The following WDR27 variants were observed in gnomAD, a reference collection of about 807,000 sequenced individuals.
WDR27 encodes the protein WD repeat-containing protein 27.
A neutral mutation model predicts 114.4 loss-of-function variants in WDR27; 100 were observed. That is an observed-to-expected ratio of 0.87 (90% CI 0.74 to 1.03). The LOEUF (loss-of-function observed/expected upper bound fraction) is 1.03, where lower values mean the gene tolerates loss of function less well. Ranked by LOEUF, WDR27 falls within the 50% of genes least tolerant of loss-of-function variation. WDR27 has a pLI of 0.00. For missense variants in WDR27, 1,129 were observed against 1,092.9 expected (o/e 1.03, Z -0.47); for synonymous variants, 449 against 423.1 (o/e 1.06, Z -0.75).
intron 25 of WDR27, among the ~76,000 whole-genome samples, chr6:169,468,209 G>T (rs1052270610): frequency 6.6e-6 from 1 of 152,138 alleles, no homozygotes; most frequent in African/African-American, 2.4e-5. Context: ...CAGCATTTTG[G>T]TCAAGGCCAT....
chr6:169,664,198 C>A lies in WDR27; in HGVS notation c.872G>T (p.Arg291Ile). ...LRKKTETFST[R>I]RVKSGLCSQP... ...GCTGCACAGCCCAGACTTAACCCTT[C>A]TTGTGGAGAAAGTCTCTGTCTTCTT... Residue 291 changes from arginine (R) to isoleucine (I), a missense_variant, in exon 8 of 26, where the codon AGA becomes ATA. Coordinates refer to ENST00000448612, the MANE Select transcript of WDR27 (RefSeq NM_182552.5). 6.2e-7 allele frequency: 1 copy of A among 1,609,856 alleles called. No homozygotes were observed. The highest frequency in any genetic ancestry group is 8.5e-7 in the Non-Finnish European group (1 of 1,177,704).
intron 25 of WDR27, among the ~76,000 whole-genome samples, chr6:169,541,424 A>C (rs1353053037): frequency 1.3e-5 from 2 of 152,234 alleles, no homozygotes; most frequent in Non-Finnish European, 2.9e-5. Flanking sequence ...AATGAGCTGC[A>C]GAGGAATCTG....
chr6:169,444,923 T>A, the WDR27 span, among the ~76,000 whole-genome samples: 1 of 152,276 alleles, frequency 6.6e-6, no homozygotes, highest in African/African-American at 2.4e-5. Flanking sequence ...TGTTCTCTTG[T>A]GTCCTCCTCT....
Position 169,660,748 on chromosome 6 carries a change from G to C in WDR27, c.1044C>G (p.Thr348=). ...SACGCLSSEN[T]RCVWIGSSVG... ...CTGAGCTTCCGATCCACACACATCG[G>C]GTGTTCTCAGAAGAAAGACTGATTT... Residue 348 remains threonine, a synonymous_variant, in exon 10 of 26, where the codon ACC becomes ACG. Transcript: ENST00000448612. 1 of 1,613,704 alleles carries C rather than the reference G, an allele frequency of 6.2e-7. No homozygotes were observed. Among genetic ancestry groups the C allele is most frequent in the African/African-American group, 1.3e-5 (1 of 75,070 alleles).
rs200105982 is a variant in WDR27 at position 169,581,996 on chromosome 6, CAG to C, written c.2523+838_2523+839del. Among the ~76,000 whole-genome samples, 1,395 of 152,258 alleles carry C rather than the reference CAG, an allele frequency of 9.2e-3. 32 individuals carry two copies. The highest frequency in any genetic ancestry group is 0.033 in the African/African-American group (1,354 of 41,548). ...TATTTATTTTTTATTTTTTTTGAGA[CAG>C]AGTCTCATTTTGTTGCCCAGGCTGG... is the stretch of plus-strand genomic sequence containing the variant. On this transcript the variant is annotated intron_variant, in intron 24 of 25. Transcript: ENST00000448612.
At chr6:169,531,862 G>A (rs564159545) in intron 25 of WDR27, among the ~76,000 whole-genome samples, 14 of 151,952 alleles carry the variant, frequency 9.2e-5, no homozygotes, top group African/African-American at 2.4e-4. Flanking sequence ...CCATGTTGGC[G>A]ACGATGGTCT....
chr6:169,683,190 T>G (rs1275350832), intron 2 of WDR27, among the ~76,000 whole-genome samples: 2 of 152,160 alleles, frequency 1.3e-5, no homozygotes, highest in African/African-American at 2.4e-5. Flanking sequence ...TATAAATATC[T>G]ACGTACTGGA....
At chr6:169,621,799 C>T (rs1813416348) in intron 21 of WDR27, among the ~76,000 whole-genome samples, 1 of 152,102 alleles carries the variant, frequency 6.6e-6, no homozygotes, top group South Asian at 2.1e-4. Context: ...CATATACATA[C>T]CCACACATGC....
Position 169,701,991 on chromosome 6 carries a change from T to C in WDR27, c.-448A>G, listed in dbSNP as rs755788513. 21 of 413,046 alleles carry C rather than the reference T, an allele frequency of 5.1e-5. No homozygotes were observed. Among genetic ancestry groups the C allele is most frequent in the Admixed American group, 4.1e-4 (16 of 39,138 alleles). 25.6% of individuals were successfully genotyped at this position (413,046 alleles called of 1,614,324 possible). ...ACACTCCGCCCCACGCTCGCCGCTA[T>C]GGTTACTTGCCAGCCGACCCACGCG... On this transcript the variant is annotated 5_prime_UTR_variant, in exon 1 of 26. Coordinates refer to ENST00000448612, the MANE Select transcript of WDR27 (RefSeq NM_182552.5).
intron 21 of WDR27, among the ~76,000 whole-genome samples, chr6:169,627,639 G>A (rs1815209147): frequency 6.6e-6 from 1 of 152,204 alleles, no homozygotes; most frequent in East Asian, 1.9e-4. Context: ...TGCACGGGGA[G>A]CCTCCACATT....
chr6:169,447,155 G>A, the WDR27 span, among the ~76,000 whole-genome samples: 1 of 151,906 alleles, frequency 6.6e-6, no homozygotes, highest in Non-Finnish European at 1.5e-5. Context: ...TTTTCTTTAG[G>A]ATTCATATTA....
At chr6:169,601,448 C>T (rs1807956573) in intron 23 of WDR27, among the ~76,000 whole-genome samples, 1 of 152,150 alleles carries the variant, frequency 6.6e-6, no homozygotes, top group African/African-American at 2.4e-5. Context: ...TTGGCATTTT[C>T]AGCAATCAAT....
intron 25 of WDR27, among the ~76,000 whole-genome samples, chr6:169,528,039 T>G (rs1403943121): frequency 1.3e-5 from 2 of 152,036 alleles, no homozygotes; most frequent in Admixed American, 6.6e-5. Flanking sequence ...GAAAAATAAA[T>G]GGGTAACAGC....
chr6:169,449,294 T>C, the WDR27 span, among the ~76,000 whole-genome samples: 2 of 152,186 alleles, frequency 1.3e-5, no homozygotes, highest in Non-Finnish European at 2.9e-5. Context: ...CTTGAAATAG[T>C]TGATTTCAAA....
intron 25 of WDR27, among the ~76,000 whole-genome samples, chr6:169,482,746 C>G (rs1286056864): frequency 1.3e-5 from 2 of 152,178 alleles, no homozygotes. Context: ...CTTTTCATCA[C>G]CACATGTCAC....
chr6:169,436,445 A>T, the WDR27 span, among the ~76,000 whole-genome samples: 17 of 151,092 alleles, frequency 1.1e-4, 1 homozygote, highest in East Asian at 2.6e-3. Flanking sequence ...AATGAAAACA[A>T]CTGTATCTTC....
intron 4 of WDR27, 75 bp from the exon 5 acceptor site, chr6:169,668,260 A>C (rs1166691919): frequency 1.3e-6 from 2 of 1,482,262 alleles, no homozygotes; most frequent in Non-Finnish European, 1.9e-6. Flanking sequence ...GTGAAAAGTC[A>C]GGTGTCTGAG....
In WDR27 at chr6:169,688,853, T is replaced by A; in HGVS notation, c.153A>T (p.Glu51Asp). The A allele has an allele frequency of 6.2e-7, 1 of 1,612,900 alleles. No individual in the cohort carries two copies. Among genetic ancestry groups the A allele is most frequent in the Non-Finnish European group, 8.5e-7 (1 of 1,179,552 alleles). Residue 51 changes from glutamate (E) to aspartate (D), a missense_variant, in exon 2 of 26, where the codon GAA (glutamate) becomes GAT (aspartate). Transcript: ENST00000448612. ...QDCAFPLDGT[E>D]LCIWNTKDPS... Reference sequence around the variant, plus strand: ...GATCCTTAGTGTTCCATATACAAAGTTCAGTTCCATCCAAAGGGAAAGCAC... The same window carrying A: ...GATCCTTAGTGTTCCATATACAAAGATCAGTTCCATCCAAAGGGAAAGCAC...
chr6:169,476,214 C>T (rs896346942), intron 25 of WDR27, among the ~76,000 whole-genome samples: 3 of 152,082 alleles, frequency 2.0e-5, no homozygotes, highest in Admixed American at 2.0e-4. Flanking sequence ...CCTGATGCAC[C>T]ATAATCTAAG....
Sources: gnomAD v4.1 joint callset for allele counts (sites outside exome capture counted in the v4.1 genomes callset) on GRCh38, gnomAD v4.1.1 for gene constraint, MANE v1.5 for transcripts, NCBI Gene and HGNC (gene_info 2026-07-23, HGNC 2026-07-21) for gene names.